Variants in KCNMB2 observed in about 807,000 individuals in gnomAD.
KCNMB2 encodes the protein potassium calcium-activated channel subfamily M regulatory beta subunit 2.
A neutral mutation model predicts 24.5 loss-of-function variants in KCNMB2; 9 were observed. That is an observed-to-expected ratio of 0.37 (90% CI 0.22 to 0.64). The LOEUF (loss-of-function observed/expected upper bound fraction) is 0.64, where lower values mean the gene tolerates loss of function less well. Among genes scored for constraint, KCNMB2 ranks in the 30% least tolerant of loss-of-function variants. The pLI, the probability that KCNMB2 is intolerant of heterozygous loss-of-function variation, is 0.63. For missense variants in KCNMB2, 226 were observed against 284.3 expected, an observed-to-expected ratio of 0.79 and a Z score of 1.47; for synonymous variants, 109 against 104.4, an observed-to-expected ratio of 1.04 and a Z score of -0.27.
intron 1 of KCNMB2, among the ~76,000 whole-genome samples, chr3:178,792,551 G>A (rs538485952): frequency 6.6e-6 from 1 of 152,206 alleles, no homozygotes; most frequent in East Asian, 1.9e-4. Flanking sequence ...TAAAATTGCA[G>A]GAGTACATCT....
chr3:178,735,938 C>T (rs148605429), intron 1 of KCNMB2, among the ~76,000 whole-genome samples: 1,555 of 152,312 alleles, frequency 0.01, 12 homozygotes, highest in Non-Finnish European at 0.015. Flanking sequence ...AGGGATAATT[C>T]AACTATGTCC....
intron 1 of KCNMB2, among the ~76,000 whole-genome samples, chr3:178,770,857 C>T (rs756128616): frequency 2.0e-5 from 3 of 152,164 alleles, no homozygotes; most frequent in African/African-American, 7.2e-5. Context: ...TACCTCACAT[C>T]CTGGCTAATT....
At chr3:178,561,289 T>C (rs1458308461) in intron 1 of KCNMB2, among the ~76,000 whole-genome samples, 4 of 152,124 alleles carry the variant, frequency 2.6e-5, no homozygotes, top group Non-Finnish European at 4.4e-5. Context: ...AATGCAAGGA[T>C]TATTATAAAA....
At chr3:178,632,381 G>A (rs987151649) in intron 1 of KCNMB2, among the ~76,000 whole-genome samples, 1 of 152,200 alleles carries the variant, frequency 6.6e-6, no homozygotes, top group African/African-American at 2.4e-5. Context: ...AAAGGAAAGA[G>A]ATTTAATTGA....
chr3:178,607,237 G>A (rs1347680541), intron 1 of KCNMB2, among the ~76,000 whole-genome samples: 1 of 152,190 alleles, frequency 6.6e-6, no homozygotes, highest in East Asian at 1.9e-4. Context: ...GGTATACAGT[G>A]CAGTGGCAAA....
intron 1 of KCNMB2, among the ~76,000 whole-genome samples, chr3:178,642,875 A>C (rs1242279192): frequency 6.6e-6 from 1 of 152,222 alleles, no homozygotes; most frequent in Non-Finnish European, 1.5e-5. Context: ...AGTGGATTTC[A>C]ATCAGAAGGT....
intron 1 of KCNMB2, among the ~76,000 whole-genome samples, chr3:178,583,757 A>C (rs1717304392): frequency 6.6e-6 from 1 of 152,186 alleles, no homozygotes; most frequent in Non-Finnish European, 1.5e-5. Flanking sequence ...AGAAGAAAGG[A>C]GATAATGCAC....
chr3:178,699,310 TC>T (rs1474838674), intron 1 of KCNMB2, among the ~76,000 whole-genome samples: 3 of 152,188 alleles, frequency 2.0e-5, no homozygotes, highest in African/African-American at 7.2e-5. Flanking sequence ...CAGCCAAGGC[TC>T]CCTGCAATGG....
chr3:178,622,509 T>G (rs1471629667), intron 1 of KCNMB2, among the ~76,000 whole-genome samples: 1 of 152,202 alleles, frequency 6.6e-6, no homozygotes, highest in East Asian at 1.9e-4. Context: ...AGTTGATAAA[T>G]GGTAAAGCCA....
intron 1 of KCNMB2, among the ~76,000 whole-genome samples, chr3:178,555,185 A>G (rs1372721495): frequency 6.6e-6 from 1 of 152,178 alleles, no homozygotes; most frequent in African/African-American, 2.4e-5. Flanking sequence ...GAACAATGAG[A>G]GTCAAAAGAA....
At chr3:178,663,458 C>T (rs919578660) in intron 1 of KCNMB2, among the ~76,000 whole-genome samples, 3 of 152,068 alleles carry the variant, frequency 2.0e-5, no homozygotes, top group Admixed American at 6.6e-5. Context: ...TACATGATGT[C>T]GGTTTCTCTT....
At chr3:178,669,670 A>AC (rs2108581259) in intron 1 of KCNMB2, among the ~76,000 whole-genome samples, 2 of 152,296 alleles carry the variant, frequency 1.3e-5, no homozygotes, top group East Asian at 3.9e-4. Flanking sequence ...AAAGGATTAT[A>AC]CAAATATGTC....
At chr3:178,626,209 A>C (rs1719111997) in intron 1 of KCNMB2, among the ~76,000 whole-genome samples, 1 of 152,246 alleles carries the variant, frequency 6.6e-6, no homozygotes, top group African/African-American at 2.4e-5. Context: ...CTGGAGTCAG[A>C]GAGACTTGAA....
intron 1 of KCNMB2, among the ~76,000 whole-genome samples, chr3:178,673,957 AT>A (rs1720987822): frequency 6.6e-6 from 1 of 152,106 alleles, no homozygotes; most frequent in African/African-American, 2.4e-5. Context: ...CACTCTACCA[AT>A]CGTTTTAATC....
intron 2 of KCNMB2, among the ~76,000 whole-genome samples, chr3:178,821,453 T>C (rs1714623278): frequency 6.6e-6 from 1 of 152,148 alleles, no homozygotes; most frequent in Non-Finnish European, 1.5e-5. Context: ...AACCAAAGCC[T>C]GAACAAAAGC....
Position 178,692,733 on chromosome 3 carries a change from G to A in KCNMB2, c.-67-114610G>A, listed in dbSNP as rs566496271. Among the ~76,000 whole-genome samples the A allele has an allele frequency of 1.2e-3, 184 of 151,916 alleles. 4 individuals are homozygous for A. Among genetic ancestry groups the A allele is most frequent in the African/African-American group, 4.3e-3 (179 of 41,500 alleles). ...GATTGTGTCAGCTGTTTGGGCTTTT[G>A]TTGTGTTTTGTTTTATATAAAGTTT... On this transcript the variant is annotated intron_variant, in intron 1 of 4. Transcript: ENST00000452583.
chr3:178,792,456 G>A (rs946747761), intron 1 of KCNMB2, among the ~76,000 whole-genome samples: 15 of 151,518 alleles, frequency 9.9e-5, no homozygotes, highest in Non-Finnish European at 1.9e-4. Context: ...CATACCACTA[G>A]AAAAAAAATT....
intron 1 of KCNMB2, chr3:178,756,988 G>A (rs1328556094): frequency 1.3e-5 from 2 of 151,738 alleles, no homozygotes; most frequent in African/African-American, 4.8e-5. Flanking sequence ...ATGGGAAGAA[G>A]TGGCACTAAA....
chr3:178,764,163 G>C (rs6443579), intron 1 of KCNMB2, among the ~76,000 whole-genome samples: 51,323 of 152,060 alleles, frequency 0.34, 10,157 homozygotes, highest in African/African-American at 0.56. Context: ...TTATTAAAAA[G>C]AAATAACTTC....
Sources: allele counts gnomAD v4.1 joint callset (sites outside exome capture counted in the v4.1 genomes callset), GRCh38; gene constraint gnomAD v4.1.1; transcripts MANE v1.5; gene names NCBI Gene and HGNC (gene_info 2026-07-23, HGNC 2026-07-21).